SMG6: variants seen among roughly 807,000 people sequenced by gnomAD.
SMG6 encodes the protein telomerase-binding protein EST1A.
Under a neutral mutation model 142.2 loss-of-function variants are expected in SMG6, and 66 were observed. The observed-to-expected ratio is 0.46, with a 90% CI of 0.38 to 0.57. The LOEUF (loss-of-function observed/expected upper bound fraction) is 0.57, where lower values mean the gene tolerates loss of function less well. Ranked by LOEUF, SMG6 falls within the 20% of genes least tolerant of loss-of-function variation. SMG6 has a pLI of 0.00. For missense variants in SMG6, 1,793 were observed against 1,832.0 expected (o/e 0.98, Z 0.39); for synonymous variants, 779 against 702.4 (o/e 1.11, Z -1.72).
Position 2,085,319 on chromosome 17 carries a change from A to C in SMG6, c.3534+406T>G, listed in dbSNP as rs2068529702. Among the ~76,000 whole-genome samples the C allele has an allele frequency of 6.6e-6, 1 of 152,086 alleles. No homozygotes were observed. Among genetic ancestry groups the C allele is most frequent in the African/African-American group, 2.4e-5 (1 of 41,392 alleles). On this transcript the variant is annotated intron_variant, in intron 14 of 18. Transcript: ENST00000263073. The surrounding 1 kb of genome is among the most constrained non-coding windows in gnomAD (Gnocchi z 4.1). ...GCAGGGGAGGGGTGATTTTCCACACAGGGCCAGCAATGTCAGCTCTTCCTG... is the reference window on the plus strand; with the variant it reads ...GCAGGGGAGGGGTGATTTTCCACACCGGGCCAGCAATGTCAGCTCTTCCTG...
chr17:2,193,366 C>G (rs1388438193), intron 10 of SMG6, among the ~76,000 whole-genome samples: 1 of 152,178 alleles, frequency 6.6e-6, no homozygotes, highest in Non-Finnish European at 1.5e-5. Flanking sequence ...AACCGTAAGT[C>G]AATGAAACCT....
At chr17:2,243,336 A>C (rs1267144727) in intron 9 of SMG6, among the ~76,000 whole-genome samples, 2 of 152,178 alleles carry the variant, frequency 1.3e-5, no homozygotes, top group African/African-American at 2.4e-5. Context: ...CTTCTCAAAA[A>C]AGTTAACTAC....
chr17:2,143,869 T>G (rs1198604307), intron 13 of SMG6, among the ~76,000 whole-genome samples: 1 of 152,166 alleles, frequency 6.6e-6, no homozygotes, highest in Non-Finnish European at 1.5e-5. Flanking sequence ...TCTCCACAAC[T>G]GTACTGGGGT....
At chr17:2,219,572 TG>T in intron 10 of SMG6, among the ~76,000 whole-genome samples, 1 of 151,954 alleles carries the variant, frequency 6.6e-6, no homozygotes, top group Admixed American at 6.6e-5. Flanking sequence ...GAGGACTGCT[TG>T]AGCCCAGGAG....
At chr17:2,279,220 G>GT (rs1245340759) in intron 8 of SMG6, among the ~76,000 whole-genome samples, 1 of 152,196 alleles carries the variant, frequency 6.6e-6, no homozygotes, top group Non-Finnish European at 1.5e-5. Flanking sequence ...CCAGTGAGAG[G>GT]TAAGAGCGGT....
chr17:2,157,027 T>C (rs2071029032), intron 13 of SMG6, among the ~76,000 whole-genome samples: 2 of 152,184 alleles, frequency 1.3e-5, no homozygotes, highest in African/African-American at 4.8e-5. Flanking sequence ...TCTCAGCATG[T>C]TTCTTCCACT....
At chr17:2,212,346 G>T (rs1046756482) in intron 10 of SMG6, among the ~76,000 whole-genome samples, 4 of 152,144 alleles carry the variant, frequency 2.6e-5, no homozygotes, top group Non-Finnish European at 4.4e-5. Context: ...AAAAGAAAGG[G>T]GATCTGGGCA....
chr17:2,247,530 G>A (rs1399200281), intron 8 of SMG6, among the ~76,000 whole-genome samples: 1 of 152,222 alleles, frequency 6.6e-6, no homozygotes, highest in Non-Finnish European at 1.5e-5. Flanking sequence ...GTTCACGCCT[G>A]TAATCCTAGG....
intron 7 of SMG6, 24 bp downstream of exon 7, chr17:2,283,601 G>C: frequency 6.4e-7 from 1 of 1,562,980 alleles, no homozygotes; most frequent in Non-Finnish European, 8.8e-7. Flanking sequence ...GAGGAAGGAA[G>C]GGTTCTGCCA....
In SMG6 at chr17:2,300,406, C is replaced by T. The variant is rs143612665; in HGVS notation, c.347G>A (p.Arg116Gln). ...QNGPIDPENN[R>Q]GQESFPRTAG... ...AGTCCTAGGAAAGGATTCTTGTCCC[C>T]GATTATTTTCTGGGTCTATAGGACC... The change falls in exon 2 of 19, where the codon CGG becomes CAG. Residue 116 changes from arginine to glutamine, a missense_variant. By Grantham distance (43) the Arg-to-Gln change is conservative. Around this residue, in one of 3 missense-constraint regions of SMG6, gnomAD observed 1,597 missense variants for 1,584.6 expected, o/e 1.01. Transcript: ENST00000263073. 11 of 1,614,090 alleles carry T rather than the reference C, an allele frequency of 6.8e-6. No individual in the cohort carries two copies. The highest frequency in any genetic ancestry group is 3.3e-5 in the South Asian group (3 of 91,072).
At chr17:2,148,772 T>A (rs2070742102) in intron 13 of SMG6, among the ~76,000 whole-genome samples, 2 of 151,756 alleles carry the variant, frequency 1.3e-5, no homozygotes, top group Non-Finnish European at 2.9e-5. Flanking sequence ...GGCAGGAGAA[T>A]TGCCTGAACC....
chr17:2,285,225 G>A (rs893598821), intron 6 of SMG6, among the ~76,000 whole-genome samples: 79 of 151,976 alleles, frequency 5.2e-4, no homozygotes, highest in Non-Finnish European at 1.0e-4. Flanking sequence ...TACTGTACAC[G>A]TGTTGTGTTC....
At position 2,303,660 on chromosome 17, in the gene SMG6, T is replaced by C. The variant is rs1042440864; in HGVS notation, c.61A>G (p.Thr21Ala). 1 of 1,491,056 alleles carries C rather than the reference T, an allele frequency of 6.7e-7. No homozygotes were observed. Among genetic ancestry groups the C allele is most frequent in the Non-Finnish European group, 8.9e-7 (1 of 1,127,166 alleles). 92.4% of individuals were successfully genotyped at this position (1,491,056 alleles called of 1,614,324 possible). ...SASELRGILA[T>A]LAPQAGSREN... The stretch of plus-strand genomic sequence containing the variant: ...CTGCTCCCGGCCTGCGGGGCCAGAG[T>C]AGCCAGGATCCCGCGCAGCTCCGAC... The change falls in exon 1 of 19, where the codon ACT becomes GCT. Residue 21 changes from threonine to alanine, a missense_variant. Transcript: ENST00000263073.
intron 10 of SMG6, among the ~76,000 whole-genome samples, 177 bp downstream of exon 10, chr17:2,236,315 T>C (rs1170614181): frequency 2.8e-5 from 4 of 140,448 alleles, no homozygotes; most frequent in Non-Finnish European, 4.5e-5. Flanking sequence ...TAGAGAGTCA[T>C]ACAGATTTCA....
At chr17:2,187,980 G>C (rs1386557265) in intron 11 of SMG6, among the ~76,000 whole-genome samples, 1 of 152,052 alleles carries the variant, frequency 6.6e-6, no homozygotes. Flanking sequence ...GCTCTATCTG[G>C]TCCAGTGAGT....
intron 4 of SMG6, among the ~76,000 whole-genome samples, chr17:2,293,203 A>T (rs1173914316): frequency 3.3e-5 from 5 of 152,170 alleles, no homozygotes; most frequent in African/African-American, 9.7e-5. Flanking sequence ...GTGTGATACA[A>T]AATTTAGTGA....
At chr17:2,202,927 C>G (rs1181567657) in intron 10 of SMG6, among the ~76,000 whole-genome samples, 1 of 152,152 alleles carries the variant, frequency 6.6e-6, no homozygotes, top group Non-Finnish European at 1.5e-5. Flanking sequence ...GCAGGTGAGA[C>G]AATGATCTCC....
At chr17:2,209,206 C>A (rs527761279) in intron 10 of SMG6, among the ~76,000 whole-genome samples, 1 of 152,234 alleles carries the variant, frequency 6.6e-6, no homozygotes, top group African/African-American at 2.4e-5. Context: ...TAAGACAGCT[C>A]TATTTGTTTT....
At chr17:2,149,240 C>T (rs1222032333) in intron 13 of SMG6, among the ~76,000 whole-genome samples, 2 of 150,338 alleles carry the variant, frequency 1.3e-5, no homozygotes, top group East Asian at 4.0e-4. Context: ...ATCCCAGCTA[C>T]TCGGGAGGCT....
Sources: allele counts gnomAD v4.1 joint callset (sites outside exome capture counted in the v4.1 genomes callset), GRCh38; gene constraint gnomAD v4.1.1; regional missense constraint gnomAD v4.1.1; non-coding constraint Gnocchi (gnomAD v3.1); transcripts MANE v1.5; gene names NCBI Gene and HGNC (gene_info 2026-07-23, HGNC 2026-07-21).